The following CTNNA2 variants were observed in gnomAD, a reference collection of about 807,000 sequenced individuals.
CTNNA2 encodes catenin alpha-2.
A neutral mutation model predicts 101.0 loss-of-function variants in CTNNA2; 42 were observed. The ratio of observed to expected loss-of-function variants is 0.42; its 90% CI spans 0.32 to 0.54. CTNNA2 has a LOEUF of 0.54. CTNNA2 is among the 20% of genes least tolerant of loss of function. The pLI is 0.14. For missense variants in CTNNA2, 871 were observed against 1,223.1 expected (o/e 0.71, Z 4.29); for synonymous variants, 450 against 456.4 (o/e 0.99, Z 0.18).
At chr2:79,215,804 C>T (rs1048760995) in intron 2 of CTNNA2, among the ~76,000 whole-genome samples, 14 of 151,946 alleles carry the variant, frequency 9.2e-5, no homozygotes, top group African/African-American at 2.9e-4. Context: ...TAAGCCAGAC[C>T]GGGTGTGAGG....
chr2:79,631,857 A>T (rs1441113516), intron 1 of CTNNA2, among the ~76,000 whole-genome samples: 2 of 152,186 alleles, frequency 1.3e-5, no homozygotes. Context: ...GGTTATTAGT[A>T]TTGTAAGCTC....
chr2:79,512,574 C>T (rs1671577008), upstream of CTNNA2, among the ~76,000 whole-genome samples: 1 of 151,664 alleles, frequency 6.6e-6, no homozygotes, highest in Admixed American at 6.6e-5. Context: ...TCCCCCCCGC[C>T]CCTATCCTGC....
intron 18 of CTNNA2, among the ~76,000 whole-genome samples, chr2:80,639,453 G>T (rs1398933764): frequency 1.3e-5 from 2 of 151,618 alleles, no homozygotes; most frequent in Non-Finnish European, 1.5e-5. Context: ...CAAGTGATCC[G>T]CCCACCTCGG....
intron 9 of CTNNA2, among the ~76,000 whole-genome samples, chr2:80,510,647 A>C (rs1274283065): frequency 6.6e-6 from 1 of 152,196 alleles, no homozygotes; most frequent in Non-Finnish European, 1.5e-5. Context: ...TCTGCAATTT[A>C]TTGATGATCA....
At chr2:79,681,815 G>A (rs1040329714) in intron 2 of CTNNA2, among the ~76,000 whole-genome samples, 1 of 152,210 alleles carries the variant, frequency 6.6e-6, no homozygotes, top group African/African-American at 2.4e-5. Context: ...TACCGCTTCA[G>A]AGGGGAAAAG....
At chr2:79,317,115 A>G (rs561712086) in intron 3 of CTNNA2, among the ~76,000 whole-genome samples, 7 of 152,004 alleles carry the variant, frequency 4.6e-5, no homozygotes, top group Non-Finnish European at 8.8e-5. Context: ...GGTTTTATCA[A>G]TAATGGGCAT....
intron 7 of CTNNA2, among the ~76,000 whole-genome samples, chr2:80,338,023 C>T (rs1447597250): frequency 1.3e-5 from 2 of 151,770 alleles, no homozygotes; most frequent in African/African-American, 2.4e-5. Flanking sequence ...GAGTGTCACT[C>T]TGTTGCCCAG....
chr2:79,661,347 A>G (rs1682023666), intron 2 of CTNNA2, among the ~76,000 whole-genome samples: 1 of 152,260 alleles, frequency 6.6e-6, no homozygotes, highest in Non-Finnish European at 1.5e-5. Flanking sequence ...CAAAATATTT[A>G]CTTTAAATAA....
chr2:79,461,715 G>A (rs1670881438), intron 4 of CTNNA2, among the ~76,000 whole-genome samples: 2 of 151,990 alleles, frequency 1.3e-5, no homozygotes, highest in South Asian at 4.1e-4. Flanking sequence ...ATGGTCACAA[G>A]TTAACATGTG....
At chr2:80,271,280 G>T (rs544965051) in intron 7 of CTNNA2, among the ~76,000 whole-genome samples, 1 of 152,340 alleles carries the variant, frequency 6.6e-6, no homozygotes, top group East Asian at 1.9e-4. Context: ...GTTGGGGTAT[G>T]TATGTGTATG....
At chr2:80,521,801 A>G (rs1055817022) in intron 9 of CTNNA2, among the ~76,000 whole-genome samples, 3 of 152,192 alleles carry the variant, frequency 2.0e-5, no homozygotes, top group Non-Finnish European at 4.4e-5. Context: ...GAAATGTAAG[A>G]TAAATTTTGT....
At position 79,383,436 on chromosome 2, in the gene CTNNA2, G is replaced by A. The variant is rs117599992; in HGVS notation, c.-135+9423G>A. On this transcript the variant is annotated intron_variant, in intron 4 of 21. Coordinates refer to the CTNNA2 transcript ENST00000466387. ...GTGTGTGGAAATAAAACATGGGACT[G>A]GGGGAGGGTGAATTACTTTGTAGTT... Among the ~76,000 whole-genome samples, 1,212 of 152,252 alleles carry A rather than the reference G, an allele frequency of 8.0e-3. 39 individuals are homozygous for A. The highest frequency in any genetic ancestry group is 0.071 in the East Asian group (364 of 5,156).
At chr2:80,489,119 A>T (rs1448614619) in intron 9 of CTNNA2, among the ~76,000 whole-genome samples, 1 of 152,054 alleles carries the variant, frequency 6.6e-6, no homozygotes, top group African/African-American at 2.4e-5. Context: ...TGCTGGTCAG[A>T]TTTCCCATTT....
At chr2:80,239,677 T>C (rs1350425832) in intron 7 of CTNNA2, among the ~76,000 whole-genome samples, 6 of 152,020 alleles carry the variant, frequency 3.9e-5, no homozygotes, top group Non-Finnish European at 8.8e-5. Flanking sequence ...TTTGGGAGGC[T>C]GAGGTGGGTG....
At chr2:79,875,337 A>G (rs1299197186) in intron 6 of CTNNA2, among the ~76,000 whole-genome samples, 1 of 152,212 alleles carries the variant, frequency 6.6e-6, no homozygotes, top group East Asian at 1.9e-4. Flanking sequence ...AAAGATTTAT[A>G]AATAATTAGC....
At chr2:79,231,336 T>A (rs1674490695) in intron 2 of CTNNA2, among the ~76,000 whole-genome samples, 1 of 152,080 alleles carries the variant, frequency 6.6e-6, no homozygotes, top group Non-Finnish European at 1.5e-5. Context: ...ATCTGATGGG[T>A]TTATCTGGGT....
At chr2:80,263,678 A>G (rs1024720519) in intron 7 of CTNNA2, among the ~76,000 whole-genome samples, 2 of 152,242 alleles carry the variant, frequency 1.3e-5, no homozygotes, top group East Asian at 1.9e-4. Context: ...CACTCTCGCC[A>G]CATAAGTGTT....
At chr2:79,926,410 G>T (rs1687023464) in intron 7 of CTNNA2, among the ~76,000 whole-genome samples, 2 of 152,060 alleles carry the variant, frequency 1.3e-5, no homozygotes. Flanking sequence ...CATCCCGTAA[G>T]ACCTTTTATT....
intron 7 of CTNNA2, among the ~76,000 whole-genome samples, chr2:80,311,432 G>C (rs1677577743): frequency 6.6e-6 from 1 of 152,080 alleles, no homozygotes; most frequent in Non-Finnish European, 1.5e-5. Context: ...CTGTATTTCT[G>C]TCTGCCTTTG....
Sources: allele counts gnomAD v4.1 joint callset (sites outside exome capture counted in the v4.1 genomes callset), GRCh38; gene constraint gnomAD v4.1.1; transcripts MANE v1.5; gene names NCBI Gene and HGNC (gene_info 2026-07-23, HGNC 2026-07-21).